DOCK6: variants seen among roughly 807,000 people sequenced by gnomAD.
DOCK6 encodes the protein dedicator of cytokinesis protein 6.
DOCK6 carries 167 observed loss-of-function variants against 230.3 expected under a neutral mutation model. The ratio of observed to expected loss-of-function variants is 0.73; its 90% confidence interval spans 0.64 to 0.82. The LOEUF (loss-of-function observed/expected upper bound fraction) is 0.82, where lower values mean the gene tolerates loss of function less well. Ranked by LOEUF, DOCK6 falls within the 40% of genes least tolerant of loss-of-function variation. The probability of loss-of-function intolerance (pLI) is 0.00; values close to 1 mark genes in which losing one functional copy is unlikely to be tolerated. For missense variants in DOCK6, 2,598 were observed against 2,825.8 expected (o/e 0.92, Z 1.83); for synonymous variants, 1,148 against 1,185.0 (o/e 0.97, Z 0.64).
chr19:11,202,276 T>C lies in DOCK6; in HGVS notation c.5451+118A>G. ...ATCCCCTGAGGAATAGGTTTTGGGG[T>C]CCCTCAGTGAAATATGATTTGGGGT... On this transcript the variant is annotated intron_variant, in intron 43 of 47. Transcript: ENST00000294618. The surrounding 1 kb of genome is among the most constrained non-coding windows in gnomAD (Gnocchi z 5.3). The C allele has an allele frequency of 7.1e-7, 1 of 1,409,558 alleles. No individual in the cohort carries two copies. Among genetic ancestry groups the C allele is most frequent in the Non-Finnish European group, 9.8e-7 (1 of 1,025,410 alleles). 87.3% of individuals were successfully genotyped at this position (1,409,558 alleles called of 1,614,324 possible).
intron 21 of DOCK6, 65 bp downstream of exon 21, chr19:11,235,533 G>A (rs1467478401): frequency 6.8e-7 from 1 of 1,466,610 alleles, no homozygotes; most frequent in South Asian, 1.4e-5. Context: ...TTACAGGCGT[G>A]AGCCACCGCA....
chr19:11,205,900 C>A (rs1185139407), intron 39 of DOCK6: 3 of 151,880 alleles, frequency 2.0e-5, no homozygotes, highest in Non-Finnish European at 2.9e-5. Context: ...GCTGGGATCA[C>A]AAGCGTGAGC....
intron 31 of DOCK6, 92 bp from the exon 32 acceptor site, chr19:11,215,563 T>G: frequency 7.2e-7 from 1 of 1,392,736 alleles, no homozygotes; most frequent in Non-Finnish European, 1.0e-6. Context: ...GATATTCAGG[T>G]GGGCTGACCC....
chr19:11,261,667 C>T (rs903875766), intron 1 of DOCK6, among the ~76,000 whole-genome samples: 11 of 152,104 alleles, frequency 7.2e-5, no homozygotes, highest in African/African-American at 2.4e-4. Context: ...CCAGTGGCCA[C>T]GGAAATGGAT....
intron 6 of DOCK6, 43 bp downstream of exon 6, chr19:11,250,831 C>T (rs1294278831): frequency 3.2e-6 from 5 of 1,571,144 alleles, no homozygotes; most frequent in Non-Finnish European, 3.5e-6. Context: ...CAATAGGCAC[C>T]CAGTAAATGC....
rs1436219053 is a variant in DOCK6 at position 11,233,349 on chromosome 19, C to T, written c.2572G>A (p.Val858Met). ...CCACGGGCCAGTGTGGCAGCCTGCA[C>T]TGTCACTGGAGGGGCCCCTGAGGAT... ...SLPDGAPPVTVQAATLARGSG... is the reference protein window; with the variant it reads ...SLPDGAPPVTMQAATLARGSG... The change falls in exon 22 of 48, where the codon GTG becomes ATG. Residue 858 changes from valine to methionine, a missense_variant. Transcript: ENST00000294618. The T allele has an allele frequency of 4.3e-6, 7 of 1,613,734 alleles. No homozygotes were observed. Among genetic ancestry groups the T allele is most frequent in the Non-Finnish European group, 5.9e-6 (7 of 1,179,740 alleles).
In DOCK6 at chr19:11,214,562, GA is replaced by G; in HGVS notation, c.4193del (p.Ile1398ThrfsTer6). On this transcript the variant is annotated frameshift_variant, in exon 33 of 48. Transcript: ENST00000294618. LOFTEE classifies it high-confidence loss of function. ...CTGGATCAAGCCCTACCTGCACGAT[GA>G]TCTCCAGTGTGTCCAGAACCACTAG... is the stretch of plus-strand genomic sequence containing the variant. ...ASLVVLDTLEIIVQTVMLSEA... is the reference protein window; with the variant it reads ...ASLVVLDTLEXIVQTVMLSEA... 1 of 1,613,908 alleles carries G rather than the reference GA, an allele frequency of 6.2e-7. No individual in the cohort carries two copies. Among genetic ancestry groups the G allele is most frequent in the Non-Finnish European group, 8.5e-7 (1 of 1,179,882 alleles).
Position 11,252,816 on chromosome 19 carries a change from C to T in DOCK6, c.275G>A (p.Cys92Tyr), listed in dbSNP as rs748967882. 6.2e-7 allele frequency: 1 copy of T among 1,613,034 alleles called. No individual in the cohort carries two copies. The highest frequency in any genetic ancestry group is 8.5e-7 in the Non-Finnish European group (1 of 1,179,428). ...DLELLLQPRECRTTEPGIPKD... is the reference protein window; with the variant it reads ...DLELLLQPREYRTTEPGIPKD... ...GGGGATCCCGGGCTCCGTGGTCCGG[C>T]ATTCCCGGGGCTGCAGCAGCAGCTC... The change falls in exon 3 of 48, where the codon TGC becomes TAC. Residue 92 changes from cysteine (C) to tyrosine (Y), a missense_variant. Cys to Tyr is a radical substitution (Grantham distance 194). Transcript: ENST00000294618.
Position 11,243,337 on chromosome 19 carries a change from C to G in DOCK6, c.1307G>C (p.Arg436Pro), listed in dbSNP as rs755182132. ...GCAGGCGTCGTCCCCACTACTCGCCCGGTCCTGGGGCCCCCGACGGCGGCG... is the reference window on the plus strand; with the variant it reads ...GCAGGCGTCGTCCCCACTACTCGCCGGGTCCTGGGGCCCCCGACGGCGGCG... ...TDRRRRGPQD[R>P]ASSGDDACSF... Residue 436 changes from arginine (R) to proline (P), a missense_variant, in exon 12 of 48, where the codon CGG becomes CCG. By Grantham distance (103) the Arg-to-Pro change is moderately radical. Coordinates refer to ENST00000294618, the MANE Select transcript of DOCK6 (RefSeq NM_020812.4). This position sits in a 1 kb window ranked among gnomAD's most constrained non-coding sequence, Gnocchi z 6.3. The G allele has an allele frequency of 1.9e-6, 3 of 1,599,138 alleles. No individual in the cohort carries two copies. Among genetic ancestry groups the G allele is most frequent in the Non-Finnish European group, 2.6e-6 (3 of 1,173,686 alleles).
intron 21 of DOCK6, among the ~76,000 whole-genome samples, chr19:11,233,600 G>A (rs1030399816): frequency 2.0e-5 from 3 of 152,102 alleles, no homozygotes; most frequent in Admixed American, 1.3e-4. Flanking sequence ...TTGGGAGGGC[G>A]AGCCAGGAGG....
chr19:11,209,965 GCCCTCACCTGTCCA>G (rs2079344580), intron 37 of DOCK6, among the ~76,000 whole-genome samples: 1 of 31,130 alleles, frequency 3.2e-5, no homozygotes, highest in Non-Finnish European at 6.1e-5. Flanking sequence ...TCACCTGCCC[GCCCTCACCTGTCCA>G]CCCTCTCACC....
rs369447950 is a variant in DOCK6 at position 11,201,023 on chromosome 19, G to A, written c.5718C>T (p.Ile1906=). The A allele has an allele frequency of 2.7e-5, 43 of 1,613,724 alleles. No homozygotes were observed. Among genetic ancestry groups the A allele is most frequent in the African/African-American group, 8.0e-5 (6 of 74,910 alleles). The change falls in exon 45 of 48, where the codon ATC becomes ATT. Residue 1906 remains isoleucine (I), a synonymous_variant. Coordinates refer to ENST00000294618, the MANE Select transcript of DOCK6 (RefSeq NM_020812.4). This position sits in a 1 kb window ranked among gnomAD's most constrained non-coding sequence, Gnocchi z 4.3. ...CCCGTGTCTTCTTCTGCATGTCCTC[G>A]ATGGCCACCTCCACTGGCGTCAGCA... The part of the protein sequence containing the change: ...ETVLTPVEVA[I]EDMQKKTREL...
At chr19:11,210,870 T>A (rs922510165) in intron 37 of DOCK6, among the ~76,000 whole-genome samples, 9 of 151,432 alleles carry the variant, frequency 5.9e-5, no homozygotes, top group African/African-American at 2.2e-4. Flanking sequence ...TCTCCTCACC[T>A]GTTCACCTCC....
chr19:11,228,912 C>A (rs200837510), intron 23 of DOCK6, 28 bp downstream of exon 23: 783 of 1,611,660 alleles, frequency 4.9e-4, no homozygotes, highest in Admixed American at 6.7e-4. Flanking sequence ...GGGTCTCTTG[C>A]CACCAGGCAG....
chr19:11,233,831 T>C (rs2079806727), intron 21 of DOCK6, among the ~76,000 whole-genome samples: 1 of 148,074 alleles, frequency 6.8e-6, no homozygotes, highest in Non-Finnish European at 1.5e-5. Context: ...CAGAATAAGA[T>C]CCTGACTTTT....
chr19:11,248,729 T>C (rs954507069), intron 6 of DOCK6, among the ~76,000 whole-genome samples: 5 of 152,156 alleles, frequency 3.3e-5, no homozygotes, highest in Non-Finnish European at 2.9e-5. Context: ...GGGTTATACG[T>C]TCCTAGTAGA....
intron 22 of DOCK6, among the ~76,000 whole-genome samples, chr19:11,229,986 G>A (rs374994996): frequency 1.3e-4 from 19 of 149,270 alleles, no homozygotes; most frequent in Admixed American, 1.2e-3. Context: ...GGAGGTTGCG[G>A]TGAGCTGTGA....
chr19:11,204,811 G>A (rs1170903408), intron 39 of DOCK6, among the ~76,000 whole-genome samples: 1 of 152,096 alleles, frequency 6.6e-6, no homozygotes, highest in African/African-American at 2.4e-5. Flanking sequence ...TGATTAGCTG[G>A]GATTACAGGT....
At chr19:11,208,133 A>C (rs2079293005) in intron 39 of DOCK6, 1 of 152,536 alleles carries the variant, frequency 6.6e-6, no homozygotes, top group Non-Finnish European at 1.5e-5. Flanking sequence ...ACAAACAAAC[A>C]AAAAAACAAG....
Sources: allele counts gnomAD v4.1 joint callset (sites outside exome capture counted in the v4.1 genomes callset), GRCh38; gene constraint gnomAD v4.1.1; non-coding constraint Gnocchi (gnomAD v3.1); transcripts MANE v1.5; gene names NCBI Gene and HGNC (gene_info 2026-07-23, HGNC 2026-07-21).